The following SH3RF3 variants were observed in gnomAD, a reference collection of about 807,000 sequenced individuals.
SH3RF3 encodes SH3 domain containing ring finger 3, also known as E3 ubiquitin-protein ligase SH3RF3.
SH3RF3 carries 29 observed loss-of-function variants against 66.3 expected under a neutral mutation model. That is an observed-to-expected ratio of 0.44 (90% CI 0.33 to 0.60). The LOEUF (loss-of-function observed/expected upper bound fraction) is 0.60. SH3RF3 is among the 20% of genes least tolerant of loss of function. SH3RF3 has a pLI of 0.04. For synonymous variants in SH3RF3, 583 were observed against 532.0 expected, an observed-to-expected ratio of 1.10 and a Z score of -1.32; for missense variants, 1,194 against 1,190.9, an observed-to-expected ratio of 1.00 and a Z score of -0.04.
chr2:109,193,808 A>G lies in SH3RF3; in HGVS notation c.573+63695A>G, dbSNP rs564187139. ...TTTGTGCAGTGCTTAGTGCCTTAGAAAGGGTGTTTTCTACCCAGCACCTGA... is the reference window on the plus strand; with the variant it reads ...TTTGTGCAGTGCTTAGTGCCTTAGAGAGGGTGTTTTCTACCCAGCACCTGA... On this transcript the variant is annotated intron_variant, in intron 1 of 9. Transcript: ENST00000309415. Among the ~76,000 whole-genome samples the G allele has an allele frequency of 2.0e-5, 3 of 152,286 alleles. No homozygotes were observed. In the East Asian group the frequency reaches 5.8e-4, roughly 29 times the overall value.
chr2:109,455,637 C>A (rs1454928933), intron 8 of SH3RF3, among the ~76,000 whole-genome samples: 1 of 152,190 alleles, frequency 6.6e-6, no homozygotes, highest in Non-Finnish European at 1.5e-5. Flanking sequence ...TTTTGAGTGG[C>A]CAGGCAGCTC....
chr2:109,160,697 G>C (rs1677468418), intron 1 of SH3RF3, among the ~76,000 whole-genome samples: 1 of 152,186 alleles, frequency 6.6e-6, no homozygotes, highest in Non-Finnish European at 1.5e-5. Flanking sequence ...CTGACTGCAG[G>C]GGCTGTGCTC....
chr2:109,189,405 G>T (rs1432787021), intron 1 of SH3RF3, among the ~76,000 whole-genome samples: 6 of 146,902 alleles, frequency 4.1e-5, no homozygotes, highest in African/African-American at 1.5e-4. Flanking sequence ...CGGAGTCTCT[G>T]TCGCCCAGGC....
chr2:109,428,470 C>T (rs992193916), intron 5 of SH3RF3, among the ~76,000 whole-genome samples: 4 of 152,236 alleles, frequency 2.6e-5, no homozygotes, highest in Admixed American at 6.5e-5. Flanking sequence ...TCGGCCCAGC[C>T]GCCAGCCTAT....
rs760304972 is a variant in SH3RF3, at chr2:109,185,853, G to C, written c.573+55740G>C. On this transcript the variant is annotated intron_variant, in intron 1 of 9. Transcript: ENST00000309415. Reference sequence around the variant, plus strand: ...ATGAGGCGACAGTGTCTTGTAATTAGGGGCATTCTTGTGCCTGTCAAAGGG... The same window carrying C: ...ATGAGGCGACAGTGTCTTGTAATTACGGGCATTCTTGTGCCTGTCAAAGGG... Among the ~76,000 whole-genome samples the C allele has an allele frequency of 5.3e-5, 8 of 152,334 alleles. No individual in the cohort carries two copies. In the South Asian group the frequency reaches 1.7e-3, roughly 32 times the overall value.
At chr2:109,437,318 A>G (rs1048624190) in intron 7 of SH3RF3, among the ~76,000 whole-genome samples, 172 bp downstream of exon 7, 5 of 152,036 alleles carry the variant, frequency 3.3e-5, no homozygotes, top group Non-Finnish European at 2.9e-5. Flanking sequence ...ATGTTGTGAG[A>G]TGAAAAGAAA....
At chr2:109,217,342 G>T (rs572791335) in intron 1 of SH3RF3, among the ~76,000 whole-genome samples, 3 of 152,110 alleles carry the variant, frequency 2.0e-5, no homozygotes, top group African/African-American at 7.2e-5. Context: ...TACGTATTTG[G>T]AACTGCACTT....
rs148464571 is a variant in SH3RF3 at position 109,385,418 on chromosome 2, CA to C, written c.946-13167del. On this transcript the variant is annotated intron_variant, in intron 3 of 9. Transcript: ENST00000309415. Reference sequence around the variant, plus strand: ...AGGAAGAAGCCCCCATGTCCTGTTGCAAAAATGCATTTTAGTAGCAGCGTGT... The same window carrying C: ...AGGAAGAAGCCCCCATGTCCTGTTGCAAAATGCATTTTAGTAGCAGCGTGT... Among the ~76,000 whole-genome samples the C allele has an allele frequency of 6.3e-3, 963 of 152,302 alleles. 10 individuals carry two copies. Among genetic ancestry groups the C allele is most frequent in the East Asian group, 0.047 (246 of 5,190 alleles).
At chr2:109,270,426 A>G (rs1254288353) in intron 1 of SH3RF3, among the ~76,000 whole-genome samples, 1 of 152,294 alleles carries the variant, frequency 6.6e-6, no homozygotes, top group East Asian at 1.9e-4. Context: ...GGGTGCCTGC[A>G]GCTGCCACAG....
chr2:109,152,262 G>T (rs1055279147), intron 1 of SH3RF3, among the ~76,000 whole-genome samples: 1 of 152,192 alleles, frequency 6.6e-6, no homozygotes, highest in Non-Finnish European at 1.5e-5. Flanking sequence ...CTATAATCAC[G>T]GGAGGTGGGC....
chr2:109,490,557 AT>A, intron 8 of SH3RF3, 47 bp from the exon 9 acceptor site: 1 of 1,358,056 alleles, frequency 7.4e-7, no homozygotes, highest in Non-Finnish European at 9.6e-7. Context: ...CAGCAAGGGC[AT>A]TGGGAAGCAT....
At chr2:109,423,200 G>A (rs1220040625) in intron 5 of SH3RF3, among the ~76,000 whole-genome samples, 2 of 152,114 alleles carry the variant, frequency 1.3e-5, no homozygotes, top group African/African-American at 4.8e-5. Flanking sequence ...GAGATGGGGG[G>A]TTGGCCTGCA....
At position 109,331,147 on chromosome 2, in the gene SH3RF3, C is replaced by A. The variant is rs34723506; in HGVS notation, c.574-16527C>A. On this transcript the variant is annotated intron_variant, in intron 1 of 9. Transcript: ENST00000309415. ...TAAACTCAAAAGCGGTTTCATTCTT[C>A]CCCATCCTTTACTTTTGGATCTGTT... Among the ~76,000 whole-genome samples, 1,312 of 152,310 alleles carry A rather than the reference C, an allele frequency of 8.6e-3. 11 individuals are homozygous for A. Among genetic ancestry groups the A allele is most frequent in the South Asian group, 0.03 (146 of 4,826 alleles).
At chr2:109,473,452 G>A (rs7369739) in intron 8 of SH3RF3, among the ~76,000 whole-genome samples, 26,233 of 152,176 alleles carry the variant, frequency 0.17, 3,015 homozygotes, top group Non-Finnish European at 0.24. Context: ...TATTTTATTT[G>A]GGGAGGCTGT....
At chr2:109,304,070 C>T (rs1265449965) in intron 1 of SH3RF3, among the ~76,000 whole-genome samples, 1 of 151,292 alleles carries the variant, frequency 6.6e-6, no homozygotes, top group East Asian at 1.9e-4. Flanking sequence ...CATTGCACTC[C>T]AGCCTGGGCA....
intron 1 of SH3RF3, among the ~76,000 whole-genome samples, chr2:109,199,987 C>A (rs1402816147): frequency 2.0e-5 from 3 of 152,044 alleles, no homozygotes; most frequent in Admixed American, 1.3e-4. Context: ...TTGGTTGTCA[C>A]AGCTAAGGTG....
intron 2 of SH3RF3, among the ~76,000 whole-genome samples, chr2:109,353,643 T>C (rs558019491): frequency 2.5e-3 from 374 of 152,304 alleles, no homozygotes; most frequent in Admixed American, 3.4e-3. Flanking sequence ...CCCAGGCTTC[T>C]TGGTCCATTC....
chr2:109,230,535 G>A (rs902117734), intron 1 of SH3RF3, among the ~76,000 whole-genome samples: 1 of 152,110 alleles, frequency 6.6e-6, no homozygotes, highest in Non-Finnish European at 1.5e-5. Context: ...AGCTGAGATA[G>A]TACCACTGCA....
In SH3RF3 at chr2:109,306,365, A is replaced by C. The variant is rs551460224; in HGVS notation, c.574-41309A>C. ...CTCCAACCCCTGCGCATACTCCAGC[A>C]GCACCTGCAGAGTGCTTGGAGATTC... On this transcript the variant is annotated intron_variant, in intron 1 of 9. Transcript: ENST00000309415. Among the ~76,000 whole-genome samples the C allele has an allele frequency of 1.6e-4, 24 of 152,334 alleles. No individual in the cohort carries two copies. The South Asian group carries it at 5.0e-3, about 32-fold the overall frequency.
Sources: gnomAD v4.1 joint callset for allele counts (sites outside exome capture counted in the v4.1 genomes callset) on GRCh38, gnomAD v4.1.1 for gene constraint, MANE v1.5 for transcripts, NCBI Gene and HGNC (gene_info 2026-07-23, HGNC 2026-07-21) for gene names.